Variants in SEC22B observed in about 807,000 individuals in gnomAD.
SEC22B encodes vesicle-trafficking protein SEC22b.
Under a neutral mutation model 31.4 loss-of-function variants are expected in SEC22B, and 10 were observed. The ratio of observed to expected loss-of-function variants is 0.32; its 90% confidence interval spans 0.20 to 0.54. SEC22B has a LOEUF of 0.54. SEC22B is among the 20% of genes least tolerant of loss of function. SEC22B has a pLI of 0.94. For synonymous variants in SEC22B, 60 were observed against 95.9 expected, an observed-to-expected ratio of 0.63 and a Z score of 2.19; for missense variants, 130 against 263.4, an observed-to-expected ratio of 0.49 and a Z score of 3.50.
intron 1 of SEC22B, among the ~76,000 whole-genome samples, chr1:120,170,040 CAGA>C (rs1456473165): frequency 2.7e-5 from 4 of 149,220 alleles, no homozygotes; most frequent in African/African-American, 5.0e-5. Flanking sequence ...AGGAAACAGC[CAGA>C]AGGTGACATC....
intron 3 of SEC22B, among the ~76,000 whole-genome samples, chr1:120,161,182 T>C (rs1411975891): frequency 1.5e-3 from 228 of 152,278 alleles, no homozygotes; most frequent in Middle Eastern, 0.01. Context: ...TGAGGACCCT[T>C]AGGCTAAGTG....
At chr1:120,172,893 G>A (rs1232281990) in intron 1 of SEC22B, among the ~76,000 whole-genome samples, 3 of 136,374 alleles carry the variant, frequency 2.2e-5, no homozygotes, top group Admixed American at 1.4e-4. Context: ...GCAAATGTAG[G>A]ATTTGGATCT....
intron 4 of SEC22B, chr1:120,159,302 T>C (rs1233953113): frequency 2.6e-5 from 4 of 151,886 alleles, no homozygotes; most frequent in Non-Finnish European, 5.9e-5. Context: ...TGGTGGCACA[T>C]GCCTGTAGCC....
In SEC22B at chr1:120,160,522, T is replaced by C; in HGVS notation, c.355A>G (p.Ile119Val). ...PYSFIEFDTF[I>V]QKTKKLYIDS... ...ATGTAGAGCTTCTTGGTTTTCTGAA[T>C]GAAAGTATCTAGAATGATGAAGAAA... Residue 119 changes from isoleucine to valine, a missense_variant, in exon 4 of 5, where the codon ATT (isoleucine) becomes GTT (valine). By Grantham distance (29) the Ile-to-Val change is conservative. Transcript: ENST00000578049. The C allele has an allele frequency of 6.3e-7, 1 of 1,579,346 alleles. No homozygotes were observed. Among genetic ancestry groups the C allele is most frequent in the Non-Finnish European group, 8.6e-7 (1 of 1,162,418 alleles).
Position 120,176,443 on chromosome 1 carries a change from T to C in SEC22B, c.-62A>G. 1 of 1,458,064 alleles carries C rather than the reference T, an allele frequency of 6.9e-7. No homozygotes were observed. The highest frequency in any genetic ancestry group is 9.6e-7 in the Non-Finnish European group (1 of 1,045,884). 90.3% of individuals were successfully genotyped at this position (1,458,064 alleles called of 1,614,324 possible). On this transcript the variant is annotated 5_prime_UTR_variant, in exon 1 of 5. Coordinates refer to ENST00000578049, the MANE Select transcript of SEC22B (RefSeq NM_004892.6). ...GGCCCTTGGCGCCGTCCTCACTTCC[T>C]CCGCCGCGACAACAGTTATACCCTA...
chr1:120,176,313 G>T lies in SEC22B; in HGVS notation c.69C>A (p.Asp23Glu), dbSNP rs1657963234. 1 of 1,610,896 alleles carries T rather than the reference G, an allele frequency of 6.2e-7. No individual in the cohort carries two copies. Among genetic ancestry groups the T allele is most frequent in the South Asian group, 1.1e-5 (1 of 90,918 alleles). Residue 23 changes from aspartate (D) to glutamate (E), a missense_variant, in exon 1 of 5, where the codon GAC becomes GAA. Coordinates refer to ENST00000578049, the MANE Select transcript of SEC22B (RefSeq NM_004892.6). ...GLPLAASMQE[D>E]EQSGRDLQQY... ...TCGTGAGTAAGCAGCTCACCTGTTC[G>T]TCCTCCTGCATCGAGGCGGCCAGCG...
At chr1:120,161,979 A>G (rs1657725728) in intron 3 of SEC22B, among the ~76,000 whole-genome samples, 1 of 136,172 alleles carries the variant, frequency 7.3e-6, no homozygotes, top group Non-Finnish European at 1.5e-5. Flanking sequence ...AAGCCCCAAC[A>G]GTAGGGAAGA....
chr1:120,159,972 G>A (rs1256386831), intron 4 of SEC22B, among the ~76,000 whole-genome samples: 15 of 109,194 alleles, frequency 1.4e-4, no homozygotes, highest in Admixed American at 5.3e-4. Context: ...AGATTTAAAA[G>A]TTTTTCAGAG....
chr1:120,151,264 A>G lies in SEC22B; in HGVS notation c.*5774T>C, dbSNP rs1657530026. The G allele has an allele frequency of 6.6e-6, 1 of 152,148 alleles. No homozygotes were observed. The allele number at this position is 152,148 out of a possible 1,614,324, so 9.4% of individuals were successfully genotyped here. The stretch of plus-strand genomic sequence containing the variant: ...GATTATTTTGTGTGGCTAAGACAAA[A>G]CAAAGCTGGTGGGGAGTGGCAGGAG... On this transcript the variant is annotated 3_prime_UTR_variant, in exon 5 of 5. Coordinates refer to ENST00000578049, the MANE Select transcript of SEC22B (RefSeq NM_004892.6).
At position 120,155,275 on chromosome 1, in the gene SEC22B, C is replaced by T. The variant is rs1408099565; in HGVS notation, c.*1763G>A. 3 of 151,696 alleles carry T rather than the reference C, an allele frequency of 2.0e-5. No individual in the cohort carries two copies. The highest frequency in any genetic ancestry group is 3.9e-4 in the East Asian group (2 of 5,174). 9.4% of individuals were successfully genotyped at this position (151,696 alleles called of 1,614,324 possible). On this transcript the variant is annotated 3_prime_UTR_variant, in exon 5 of 5. Coordinates refer to ENST00000578049, the MANE Select transcript of SEC22B (RefSeq NM_004892.6). Reference sequence around the variant, plus strand: ...GCATGCAACTCTCAACAATGAGCTGCCCCTCTCCACTCCTATAGAAGCTCC... The same window carrying T: ...GCATGCAACTCTCAACAATGAGCTGTCCCTCTCCACTCCTATAGAAGCTCC...
In SEC22B at chr1:120,151,825, C is replaced by T. The variant is rs1657545800; in HGVS notation, c.*5213G>A. 1 of 150,270 alleles carries T rather than the reference C, an allele frequency of 6.7e-6. No homozygotes were observed. Among genetic ancestry groups the T allele is most frequent in the Admixed American group, 6.6e-5 (1 of 15,076 alleles). 9.3% of individuals were successfully genotyped at this position (150,270 alleles called of 1,614,324 possible). ...AGGATGGAAATGATGTAATAAAATA[C>T]CTTTTGAAAGTTATATTAAAAAATT... On this transcript the variant is annotated 3_prime_UTR_variant, in exon 5 of 5. Coordinates refer to ENST00000578049, the MANE Select transcript of SEC22B (RefSeq NM_004892.6).
chr1:120,170,675 ATATG>A (rs1353271111), intron 1 of SEC22B, among the ~76,000 whole-genome samples: 11 of 147,280 alleles, frequency 7.5e-5, no homozygotes, highest in Non-Finnish European at 1.3e-4. Context: ...CTATATTAAC[ATATG>A]TATGTCTGTA....
In SEC22B at chr1:120,151,750, T is replaced by C. The variant is rs1197267251; in HGVS notation, c.*5288A>G. ...TGTGTAACAAAATCAGTAAGGAGGG[T>C]ACTCCAAGAATCCATGTTAAAGTTA... On this transcript the variant is annotated 3_prime_UTR_variant, in exon 5 of 5. Coordinates refer to ENST00000578049, the MANE Select transcript of SEC22B (RefSeq NM_004892.6). 3 of 151,740 alleles carry C rather than the reference T, an allele frequency of 2.0e-5. No homozygotes were observed. Among genetic ancestry groups the C allele is most frequent in the South Asian group, 2.2e-4 (1 of 4,602 alleles). The allele number at this position is 151,740 out of a possible 1,614,324, so 9.4% of individuals were successfully genotyped here.
At chr1:120,164,605 TC>T (rs1657776507) in intron 2 of SEC22B, among the ~76,000 whole-genome samples, 1 of 152,286 alleles carries the variant, frequency 6.6e-6, no homozygotes, top group Non-Finnish European at 1.5e-5. Context: ...TGATTTCATT[TC>T]TTTTTATGAC....
chr1:120,160,335 T>C, intron 4 of SEC22B, 49 bp downstream of exon 4: 1 of 1,433,822 alleles, frequency 7.0e-7, no homozygotes, highest in Non-Finnish European at 9.6e-7. Context: ...GCTATCCTTG[T>C]CTATGGAATG....
Position 120,156,744 on chromosome 1 carries a change from G to A in SEC22B, c.*294C>T, listed in dbSNP as rs1416027979. 11 of 226,804 alleles carry A rather than the reference G, an allele frequency of 4.8e-5. No individual in the cohort carries two copies. The highest frequency in any genetic ancestry group is 6.8e-5 in the Non-Finnish European group (8 of 116,888). The allele number at this position is 226,804 out of a possible 1,614,324, so 14.0% of individuals were successfully genotyped here. A position where few individuals can be genotyped will look rare whatever the true frequency, so the allele number is the denominator to read the frequency against. The stretch of plus-strand genomic sequence containing the variant: ...GAATGAGAATGCCCCAGCCAGTGCT[G>A]TTTTTAAAATGCACTGGGAGGGAAA... On this transcript the variant is annotated 3_prime_UTR_variant, in exon 5 of 5. Coordinates refer to ENST00000578049, the MANE Select transcript of SEC22B (RefSeq NM_004892.6).
At chr1:120,163,945 CTTTTTTTTTTT>C (rs1169530604) in intron 2 of SEC22B, among the ~76,000 whole-genome samples, 1 of 68,934 alleles carries the variant, frequency 1.5e-5, no homozygotes, top group Non-Finnish European at 2.7e-5. Context: ...ATTAGATTCT[CTTTTTTTTTTT>C]TTTTTTTTTT....
chr1:120,173,008 T>C (rs1349856619), intron 1 of SEC22B, among the ~76,000 whole-genome samples: 2 of 151,480 alleles, frequency 1.3e-5, no homozygotes, highest in African/African-American at 2.4e-5. Flanking sequence ...ATAACAACTT[T>C]TGCCTTCATA....
At chr1:120,169,320 C>T (rs1287618448) in intron 1 of SEC22B, among the ~76,000 whole-genome samples, 3 of 152,090 alleles carry the variant, frequency 2.0e-5, no homozygotes, top group South Asian at 2.1e-4. Flanking sequence ...ATCCTAGGAA[C>T]AAGATTGGTG....
Sources: allele counts gnomAD v4.1 joint callset (sites outside exome capture counted in the v4.1 genomes callset), GRCh38; gene constraint gnomAD v4.1.1; transcripts MANE v1.5; gene names NCBI Gene and HGNC (gene_info 2026-07-23, HGNC 2026-07-21).